The following ABCD3 variants were observed in gnomAD, a reference collection of about 807,000 sequenced individuals.
The protein encoded by ABCD3 is ATP binding cassette subfamily D member 3, also known as ATP-binding cassette sub-family D member 3.
In ABCD3, 41 loss-of-function variants were observed where a neutral mutation model predicts 105.5. The observed-to-expected ratio is 0.39, with a 90% confidence interval of 0.30 to 0.50. ABCD3 has a LOEUF of 0.50. Ranked by LOEUF, ABCD3 falls within the 20% of genes least tolerant of loss-of-function variation. The pLI is 0.84. For missense variants in ABCD3, 622 were observed against 806.3 expected (o/e 0.77, Z 2.77); for synonymous variants, 258 against 269.0 (o/e 0.96, Z 0.40).
chr1:94,429,525 A>G (rs1659594656), intron 1 of ABCD3, among the ~76,000 whole-genome samples: 1 of 152,198 alleles, frequency 6.6e-6, no homozygotes, highest in Admixed American at 6.5e-5. Flanking sequence ...TGCTGTGTGC[A>G]GTCTAGGGAC....
intron 1 of ABCD3, among the ~76,000 whole-genome samples, chr1:94,444,935 C>A (rs1170632966): frequency 6.6e-6 from 1 of 152,196 alleles, no homozygotes; most frequent in African/African-American, 2.4e-5. Flanking sequence ...GCAAGGGACA[C>A]CTGGCCCACC....
intron 1 of ABCD3, among the ~76,000 whole-genome samples, chr1:94,452,000 C>G (rs1354171640): frequency 6.6e-6 from 1 of 152,172 alleles, no homozygotes; most frequent in Non-Finnish European, 1.5e-5. Context: ...CACTCTCATA[C>G]CCACTGTCTT....
the ABCD3 span, among the ~76,000 whole-genome samples, chr1:94,387,172 G>A: frequency 5.9e-5 from 9 of 152,084 alleles, no homozygotes; most frequent in African/African-American, 2.2e-4. Flanking sequence ...CAGTGTTATT[G>A]CCAAGTGCCT....
In ABCD3 at chr1:94,470,772, AT is replaced by A. The variant is rs570592752; in HGVS notation, c.335+2769del. Among the ~76,000 whole-genome samples, 41 of 152,032 alleles carry A rather than the reference AT, an allele frequency of 2.7e-4. No homozygotes were observed. The East Asian group carries it at 7.7e-3, about 29-fold the overall frequency. Reference sequence around the variant, plus strand: ...TTTCTCTTCTATTTTTGTCTCTGCCATTTTATTTTATTTTCTAGGAAATTTC... The same window carrying A: ...TTTCTCTTCTATTTTTGTCTCTGCCATTTATTTTATTTTCTAGGAAATTTC... On this transcript the variant is annotated intron_variant, in intron 4 of 22. Transcript: ENST00000370214.
At chr1:94,398,156 G>A in the ABCD3 span, among the ~76,000 whole-genome samples, 1 of 152,110 alleles carries the variant, frequency 6.6e-6, no homozygotes, top group Non-Finnish European at 1.5e-5. Context: ...AATTGTTCCA[G>A]GTATGGCAAA....
chr1:94,492,721 C>T lies in ABCD3; in HGVS notation c.1386+1474C>T, dbSNP rs17111588. ...TGAAGAATGCCTCTTGTCCCTTTCT[C>T]CTACTTACCCTCACTTCTGTCTTTA... On this transcript the variant is annotated intron_variant, in intron 16 of 22. Coordinates refer to ENST00000370214, the MANE Select transcript of ABCD3 (RefSeq NM_002858.4). Among the ~76,000 whole-genome samples the T allele has an allele frequency of 5.4e-3, 808 of 148,772 alleles. 9 individuals are homozygous for T. Among genetic ancestry groups the T allele is most frequent in the African/African-American group, 0.019 (759 of 40,416 alleles).
intron 10 of ABCD3, among the ~76,000 whole-genome samples, chr1:94,485,973 G>T (rs922931604): frequency 1.3e-5 from 2 of 151,930 alleles, no homozygotes; most frequent in Non-Finnish European, 2.9e-5. Flanking sequence ...GGGCAGATCA[G>T]TTGAGGTCAG....
In ABCD3 at chr1:94,499,652, T is replaced by C. The variant is rs765867120; in HGVS notation, c.1740+38T>C. 5.0e-6 allele frequency: 8 copies of C among 1,611,724 alleles called. No homozygotes were observed. The Admixed American group carries it at 1.3e-4, about 27-fold the overall frequency. On this transcript the variant is annotated intron_variant, in intron 20 of 22. Transcript: ENST00000370214. ...TGAAGAAGTTGCACAAGAATGCAAC[T>C]GGTTCCAGCATTTTGATTAATCAGG...
intron 1 of ABCD3, among the ~76,000 whole-genome samples, chr1:94,448,699 C>T (rs564107220): frequency 1.8e-4 from 27 of 152,276 alleles, no homozygotes; most frequent in Non-Finnish European, 3.2e-4. Flanking sequence ...CAGTGTTTTG[C>T]GGTGATGGGC....
At chr1:94,419,427 AAAAG>A in intron 1 of ABCD3, 2 of 877,138 alleles carry the variant, frequency 2.3e-6, no homozygotes, top group Non-Finnish European at 2.7e-6. Context: ...GAAAAAGTAA[AAAAG>A]AGAGAGCTGA....
At chr1:94,511,778 T>A (rs1650685328) in intron 21 of ABCD3, among the ~76,000 whole-genome samples, 1 of 152,168 alleles carries the variant, frequency 6.6e-6, no homozygotes, top group Non-Finnish European at 1.5e-5. Context: ...TTCCAGTTGA[T>A]CACATCGGCT....
chr1:94,502,990 C>G (rs1470936536), intron 20 of ABCD3, among the ~76,000 whole-genome samples: 1 of 152,268 alleles, frequency 6.6e-6, no homozygotes, highest in Non-Finnish European at 1.5e-5. Context: ...CCCAGGACAG[C>G]TTTGAATGCA....
chr1:94,492,806 G>A (rs560152966), intron 16 of ABCD3, among the ~76,000 whole-genome samples: 4 of 152,144 alleles, frequency 2.6e-5, no homozygotes, highest in East Asian at 1.9e-4. Flanking sequence ...CAATGAGAAA[G>A]GGGGTTGGGA....
intron 1 of ABCD3, among the ~76,000 whole-genome samples, chr1:94,452,093 G>T (rs1343468395): frequency 6.6e-6 from 1 of 152,146 alleles, no homozygotes; most frequent in Non-Finnish European, 1.5e-5. Flanking sequence ...AGGTTTCTTA[G>T]ACAGGGTCAC....
At chr1:94,393,693 A>C in the ABCD3 span, among the ~76,000 whole-genome samples, 1 of 152,158 alleles carries the variant, frequency 6.6e-6, no homozygotes, top group Admixed American at 6.5e-5. Context: ...AGACACACAC[A>C]CACACAAAGT....
At chr1:94,396,579 A>G in the ABCD3 span, among the ~76,000 whole-genome samples, 1 of 149,254 alleles carries the variant, frequency 6.7e-6, no homozygotes, top group African/African-American at 2.5e-5. Context: ...ACTGTTCCTC[A>G]TGTGAATAGA....
At chr1:94,490,189 G>A (rs1649466887) in intron 15 of ABCD3, among the ~76,000 whole-genome samples, 1 of 151,926 alleles carries the variant, frequency 6.6e-6, no homozygotes, top group Non-Finnish European at 1.5e-5. Flanking sequence ...AAATGATTAC[G>A]TTTTGGCTAA....
chr1:94,409,033 T>G, the ABCD3 span, among the ~76,000 whole-genome samples: 3 of 152,136 alleles, frequency 2.0e-5, no homozygotes, highest in African/African-American at 7.2e-5. Context: ...TTAAGGCCTT[T>G]TTTCCTGGGG....
At chr1:94,401,295 C>A in the ABCD3 span, among the ~76,000 whole-genome samples, 1 of 152,198 alleles carries the variant, frequency 6.6e-6, no homozygotes, top group African/African-American at 2.4e-5. Context: ...TAGTCGTAGG[C>A]CTGGTGCCCA....
Sources: gnomAD v4.1 joint callset for allele counts (sites outside exome capture counted in the v4.1 genomes callset) on GRCh38, gnomAD v4.1.1 for gene constraint, MANE v1.5 for transcripts, NCBI Gene and HGNC (gene_info 2026-07-23, HGNC 2026-07-21) for gene names.